RBMS3: variants seen among roughly 807,000 people sequenced by gnomAD.
RBMS3 encodes RNA-binding motif, single-stranded-interacting protein 3.
RBMS3 carries 27 observed loss-of-function variants against 66.8 expected under a neutral mutation model. That is an observed-to-expected ratio of 0.40 (90% CI 0.30 to 0.56). The LOEUF is 0.56. RBMS3 is among the 20% of genes least tolerant of loss of function. The pLI, the probability that RBMS3 is intolerant of heterozygous loss-of-function variation, is 0.40. For missense variants in RBMS3, 513 were observed against 549.5 expected (o/e 0.93, Z 0.66); for synonymous variants, 188 against 183.0 (o/e 1.03, Z -0.22).
intron 1 of RBMS3, among the ~76,000 whole-genome samples, chr3:29,330,217 T>C (rs1378125565): frequency 6.6e-6 from 1 of 152,108 alleles, no homozygotes; most frequent in Non-Finnish European, 1.5e-5. Context: ...CTGTGTGGGA[T>C]TGCGGTCTCT....
chr3:29,479,947 C>A (rs142210527), intron 2 of RBMS3, among the ~76,000 whole-genome samples: 1 of 152,182 alleles, frequency 6.6e-6, no homozygotes, highest in Non-Finnish European at 1.5e-5. Context: ...TGGTCTCTAT[C>A]CAGTATCCAT....
intron 4 of RBMS3, among the ~76,000 whole-genome samples, chr3:29,671,992 A>G (rs1286864360): frequency 6.6e-6 from 1 of 152,218 alleles, no homozygotes; most frequent in East Asian, 1.9e-4. Context: ...TGTCAGATTC[A>G]CAAAGGTTGT....
intron 2 of RBMS3, among the ~76,000 whole-genome samples, chr3:29,448,954 C>G (rs1330333275): frequency 6.6e-6 from 1 of 152,160 alleles, no homozygotes; most frequent in Non-Finnish European, 1.5e-5. Context: ...TTCTCCCTAC[C>G]TGGGAGTAAC....
Position 29,294,456 on chromosome 3 carries a change from A to AAC in RBMS3, c.75+12700_75+12701insAC, listed in dbSNP as rs537463124. Among the ~76,000 whole-genome samples, 590 of 151,828 alleles carry AAC rather than the reference A, an allele frequency of 3.9e-3. 3 individuals carry two copies. The highest frequency in any genetic ancestry group is 0.013 in the African/African-American group (549 of 41,446). ...ACTAATAGAAAAAAAGAAAAAAAAA[A>AAC]CATAGTACTGCATTATAAGTTGCTG... On this transcript the variant is annotated intron_variant, in intron 1 of 14. Transcript: ENST00000383767.
chr3:29,628,119 A>C (rs569539183), intron 4 of RBMS3, among the ~76,000 whole-genome samples: 30 of 152,316 alleles, frequency 2.0e-4, no homozygotes, highest in African/African-American at 7.2e-4. Context: ...TTTTAGAAGA[A>C]TGTGGAGGGA....
chr3:29,564,731 G>A (rs1017226374), intron 3 of RBMS3, among the ~76,000 whole-genome samples: 1 of 152,090 alleles, frequency 6.6e-6, no homozygotes, highest in African/African-American at 2.4e-5. Context: ...CAGAAACTTC[G>A]TGGGAGAAGA....
At chr3:29,838,458 T>C (rs758955838) in intron 6 of RBMS3, among the ~76,000 whole-genome samples, 5 of 152,182 alleles carry the variant, frequency 3.3e-5, no homozygotes, top group Non-Finnish European at 7.3e-5. Context: ...TGTTCTTCAA[T>C]GTTATGTTAA....
intron 1 of RBMS3, among the ~76,000 whole-genome samples, chr3:29,291,610 A>G (rs2032819040): frequency 6.6e-6 from 1 of 151,784 alleles, no homozygotes; most frequent in South Asian, 2.1e-4. Context: ...CACAATACTT[A>G]TTCTATGGCA....
chr3:29,447,448 A>G (rs143452184), intron 2 of RBMS3, among the ~76,000 whole-genome samples: 256 of 152,330 alleles, frequency 1.7e-3, no homozygotes, highest in Non-Finnish European at 3.1e-3. Context: ...TTTTGGCACC[A>G]GAATGCCTGA....
intron 2 of RBMS3, among the ~76,000 whole-genome samples, chr3:29,469,664 C>CAT (rs138407126): frequency 0.12 from 17,122 of 148,248 alleles, 1,270 homozygotes; most frequent in East Asian, 0.41. Context: ...AAAACTAAAC[C>CAT]ATATATATAT....
intron 6 of RBMS3, among the ~76,000 whole-genome samples, chr3:29,847,760 A>T (rs1421964299): frequency 6.6e-6 from 1 of 151,668 alleles, no homozygotes; most frequent in African/African-American, 2.4e-5. Flanking sequence ...GGTTCACGCC[A>T]TTCTCCTGCC....
chr3:29,804,832 A>G (rs1007527452), intron 6 of RBMS3, among the ~76,000 whole-genome samples: 2 of 152,028 alleles, frequency 1.3e-5, no homozygotes, highest in Non-Finnish European at 2.9e-5. Context: ...TGATGTATAA[A>G]TAAAGATACT....
intron 4 of RBMS3, among the ~76,000 whole-genome samples, chr3:29,739,318 T>A (rs376029040): frequency 6.6e-6 from 1 of 151,602 alleles, no homozygotes; most frequent in Non-Finnish European, 1.5e-5. Flanking sequence ...TAGCTGGGCG[T>A]GGTGGCGGGC....
chr3:29,369,308 AAAAT>A (rs1320013305), intron 1 of RBMS3, among the ~76,000 whole-genome samples: 1 of 152,058 alleles, frequency 6.6e-6, no homozygotes, highest in Non-Finnish European at 1.5e-5. Context: ...TGCCTGAAAT[AAAAT>A]AAATTTTAAA....
intron 14 of RBMS3, among the ~76,000 whole-genome samples, chr3:29,994,265 G>T (rs936206813): frequency 6.6e-6 from 1 of 152,178 alleles, no homozygotes; most frequent in Non-Finnish European, 1.5e-5. Flanking sequence ...CCCGCACCTG[G>T]CTCGGAGGGT....
At chr3:29,323,082 A>G (rs1235831035) in intron 1 of RBMS3, among the ~76,000 whole-genome samples, 1 of 152,176 alleles carries the variant, frequency 6.6e-6, no homozygotes, top group African/African-American at 2.4e-5. Context: ...GTTAATGTCA[A>G]GAGCAAATCA....
intron 12 of RBMS3, among the ~76,000 whole-genome samples, chr3:29,961,986 A>C (rs370455233): frequency 1.8e-5 from 2 of 110,346 alleles, no homozygotes; most frequent in East Asian, 4.4e-4. Flanking sequence ...AATATATATT[A>C]ATATATATAA....
At chr3:29,846,005 A>G in intron 6 of RBMS3, among the ~76,000 whole-genome samples, 1 of 152,194 alleles carries the variant, frequency 6.6e-6, no homozygotes, top group East Asian at 1.9e-4. Flanking sequence ...AGTGAGCAAC[A>G]GTCAAGAGTT....
At chr3:29,771,862 G>C (rs112027194) in intron 6 of RBMS3, among the ~76,000 whole-genome samples, 3,360 of 152,050 alleles carry the variant, frequency 0.022, 138 homozygotes, top group African/African-American at 0.077. Flanking sequence ...GATCTTGTGA[G>C]AACTCATTAT....
Sources: gnomAD v4.1 joint callset for allele counts (sites outside exome capture counted in the v4.1 genomes callset) on GRCh38, gnomAD v4.1.1 for gene constraint, MANE v1.5 for transcripts, NCBI Gene and HGNC (gene_info 2026-07-23, HGNC 2026-07-21) for gene names.